The following DGKI variants were observed in gnomAD, a reference collection of about 807,000 sequenced individuals.
DGKI encodes the protein diacylglycerol kinase iota, also known as DAG kinase iota.
A neutral mutation model predicts 147.5 loss-of-function variants in DGKI; 55 were observed. That is an observed-to-expected ratio of 0.37 (90% CI 0.30 to 0.47). The LOEUF is 0.47. Among genes scored for constraint, DGKI ranks in the 20% least tolerant of loss-of-function variants. DGKI has a pLI of 1.00. For synonymous variants in DGKI, 469 were observed against 477.1 expected (o/e 0.98, Z 0.22); for missense variants, 1,007 against 1,323.8 (o/e 0.76, Z 3.71).
chr7:137,566,592 G>T (rs1041983064), intron 19 of DGKI, among the ~76,000 whole-genome samples: 6 of 152,130 alleles, frequency 3.9e-5, no homozygotes, highest in South Asian at 2.1e-4. Context: ...GATGCTAGCT[G>T]ATGATGTATA....
chr7:137,653,620 A>G (rs1221130882), intron 5 of DGKI, among the ~76,000 whole-genome samples: 1 of 152,084 alleles, frequency 6.6e-6, no homozygotes, highest in African/African-American at 2.4e-5. Flanking sequence ...TAGCTCCTTA[A>G]GGTCTCAGCT....
intron 20 of DGKI, among the ~76,000 whole-genome samples, chr7:137,544,986 T>C (rs1007518287): frequency 2.0e-5 from 3 of 152,122 alleles, no homozygotes; most frequent in Non-Finnish European, 4.4e-5. Flanking sequence ...CCTTGAGAAA[T>C]ATACAGGATC....
chr7:137,691,953 C>A (rs184404872), intron 1 of DGKI, among the ~76,000 whole-genome samples: 6 of 152,068 alleles, frequency 3.9e-5, no homozygotes, highest in African/African-American at 1.4e-4. Flanking sequence ...AATTTACTTG[C>A]TTTATATAAT....
At chr7:137,396,000 CTAAT>C in intron 31 of DGKI, 1 of 308,198 alleles carries the variant, frequency 3.2e-6, no homozygotes, top group South Asian at 5.9e-5. Flanking sequence ...ATTAAACAGA[CTAAT>C]TGTCTAGATG....
intron 10 of DGKI, among the ~76,000 whole-genome samples, chr7:137,606,811 C>T (rs1312136519): frequency 2.6e-5 from 4 of 152,168 alleles, no homozygotes. Context: ...TATGCATGCA[C>T]CACTCATCAT....
At chr7:137,746,721 G>A (rs1014799383) in intron 1 of DGKI, among the ~76,000 whole-genome samples, 2 of 152,104 alleles carry the variant, frequency 1.3e-5, no homozygotes, top group Middle Eastern at 3.2e-3. Flanking sequence ...TTTAGGTGTA[G>A]ATCTGAGGTT....
At chr7:137,415,262 C>A (rs564434131) in intron 28 of DGKI, among the ~76,000 whole-genome samples, 29 of 151,654 alleles carry the variant, frequency 1.9e-4, no homozygotes, top group Middle Eastern at 6.8e-3. Flanking sequence ...CGAAAACATT[C>A]AAAAAATAAT....
At chr7:137,825,534 T>C (rs1798029128) in intron 1 of DGKI, among the ~76,000 whole-genome samples, 1 of 152,110 alleles carries the variant, frequency 6.6e-6, no homozygotes, top group Non-Finnish European at 1.5e-5. Flanking sequence ...ACATTGGGGC[T>C]CAGAGAATGA....
At chr7:137,465,562 A>C (rs1814621422) in intron 26 of DGKI, among the ~76,000 whole-genome samples, 1 of 152,206 alleles carries the variant, frequency 6.6e-6, no homozygotes, top group South Asian at 2.1e-4. Flanking sequence ...ATAGCAAAGA[A>C]GAGGAAGAGG....
At chr7:137,391,380 G>C (rs1199877930) in intron 32 of DGKI, 44 bp from the exon 33 acceptor site, 4 of 1,332,736 alleles carry the variant, frequency 3.0e-6, no homozygotes, top group Non-Finnish European at 3.1e-6. Flanking sequence ...GAGAGAGATA[G>C]ACACAAGCGC....
chr7:137,391,303 C>T lies in DGKI; in HGVS notation c.3091G>A (p.Gly1031Arg). 2 of 1,612,482 alleles carry T rather than the reference C, an allele frequency of 1.2e-6. No individual in the cohort carries two copies. The highest frequency in any genetic ancestry group is 1.7e-6 in the Non-Finnish European group (2 of 1,179,374). ...AGGTAAGCAGCCAAGTCTGGGTCCC[C>T]AGCCTGCTGTGCTCTTTCTTGAGGT... ...KTPQERAQQAGDPDLAAYLES... is the reference protein window; with the variant it reads ...KTPQERAQQARDPDLAAYLES... The change falls in exon 33 of 33, where the codon GGG (glycine) becomes AGG (arginine). Residue 1031 changes from glycine to arginine, a missense_variant. Coordinates refer to ENST00000614521, the MANE Select transcript of DGKI (RefSeq NM_001321708.2).
At chr7:137,682,978 C>T (rs1823291860) in intron 2 of DGKI, among the ~76,000 whole-genome samples, 1 of 152,168 alleles carries the variant, frequency 6.6e-6, no homozygotes. Flanking sequence ...AGCCATTATA[C>T]ATTTGAGTCT....
At chr7:137,612,521 T>C (rs1451366332) in intron 8 of DGKI, among the ~76,000 whole-genome samples, 2 of 152,236 alleles carry the variant, frequency 1.3e-5, no homozygotes, top group East Asian at 3.9e-4. Context: ...TAAATATGTA[T>C]CTATCTCTAC....
At chr7:137,564,150 A>T (rs900844532) in intron 19 of DGKI, among the ~76,000 whole-genome samples, 2 of 152,222 alleles carry the variant, frequency 1.3e-5, no homozygotes, top group Non-Finnish European at 2.9e-5. Flanking sequence ...TTTATTCAAC[A>T]AATAGTGCTG....
At chr7:137,475,296 G>A (rs983925135) in intron 23 of DGKI, among the ~76,000 whole-genome samples, 2 of 152,304 alleles carry the variant, frequency 1.3e-5, no homozygotes, top group Admixed American at 6.5e-5. Context: ...CATGCCATTT[G>A]TTGGTTTGGT....
intron 20 of DGKI, among the ~76,000 whole-genome samples, chr7:137,548,343 T>C (rs966736421): frequency 1.3e-5 from 2 of 152,132 alleles, no homozygotes; most frequent in Non-Finnish European, 2.9e-5. Context: ...CCAAATCTCA[T>C]GTTGAAATGG....
chr7:137,691,309 G>A (rs1399085401), intron 1 of DGKI, among the ~76,000 whole-genome samples: 2 of 152,146 alleles, frequency 1.3e-5, no homozygotes, highest in East Asian at 1.9e-4. Flanking sequence ...TCATTTGGCT[G>A]TCTTCAGCTA....
intron 6 of DGKI, among the ~76,000 whole-genome samples, chr7:137,640,598 T>C (rs1821590031): frequency 6.6e-6 from 1 of 152,162 alleles, no homozygotes; most frequent in Non-Finnish European, 1.5e-5. Flanking sequence ...AGGGTACACA[T>C]TTTCAGATTA....
chr7:137,670,332 T>C (rs898335423), intron 3 of DGKI, among the ~76,000 whole-genome samples: 2 of 151,818 alleles, frequency 1.3e-5, no homozygotes, highest in Non-Finnish European at 2.9e-5. Context: ...GTATCAGCAC[T>C]AGATTCTCCT....
Sources: allele counts gnomAD v4.1 joint callset (sites outside exome capture counted in the v4.1 genomes callset), GRCh38; gene constraint gnomAD v4.1.1; transcripts MANE v1.5; gene names NCBI Gene and HGNC (gene_info 2026-07-23, HGNC 2026-07-21).